The following LRRFIP2 variants were observed in gnomAD, a reference collection of about 807,000 sequenced individuals.
The protein encoded by LRRFIP2 is LRR binding FLII interacting protein 2.
A neutral mutation model predicts 125.9 loss-of-function variants in LRRFIP2; 109 were observed. That is an observed-to-expected ratio of 0.87 (90% CI 0.74 to 1.01). LRRFIP2 has a LOEUF of 1.01. Among genes scored for constraint, LRRFIP2 ranks in the 50% least tolerant of loss-of-function variants. The pLI, the probability that LRRFIP2 is intolerant of heterozygous loss-of-function variation, is 0.00. For missense variants in LRRFIP2, 850 were observed against 862.3 expected, an observed-to-expected ratio of 0.99 and a Z score of 0.18; for synonymous variants, 291 against 293.1, an observed-to-expected ratio of 0.99 and a Z score of 0.07.
intron 21 of LRRFIP2, among the ~76,000 whole-genome samples, chr3:37,069,645 C>A (rs2090806114): frequency 6.6e-6 from 1 of 152,100 alleles, no homozygotes; most frequent in South Asian, 2.1e-4. Flanking sequence ...GACAGTAGCA[C>A]AACAACATGA....
chr3:37,055,155 A>T lies in LRRFIP2; in HGVS notation c.1881T>A (p.Asn627Lys). 6.3e-7 allele frequency: 1 copy of T among 1,591,592 alleles called. No individual in the cohort carries two copies. The highest frequency in any genetic ancestry group is 8.5e-7 in the Non-Finnish European group (1 of 1,171,210). Residue 627 changes from asparagine to lysine, a missense_variant, in exon 26 of 28, where the codon AAT (asparagine) becomes AAA (lysine). Coordinates refer to ENST00000336686, the MANE Select transcript of LRRFIP2 (RefSeq NM_006309.4). ...LQFIEMQRDA[N>K]RQISEYKFKL... ...TAAATTTGTATTCGCTAATTTGTCT[A>T]TTGGCATCTCCTAGAACAGAAGAAG...
intron 3 of LRRFIP2, 117 bp downstream of exon 3, chr3:37,128,946 A>G (rs1478133364): frequency 1.1e-6 from 1 of 896,212 alleles, no homozygotes; most frequent in Admixed American, 2.2e-5. Flanking sequence ...AAATACATAC[A>G]TCAGTTTATA....
At chr3:37,139,987 T>C (rs984251178) in intron 2 of LRRFIP2, among the ~76,000 whole-genome samples, 12 of 152,346 alleles carry the variant, frequency 7.9e-5, no homozygotes, top group African/African-American at 2.9e-4. Context: ...CCAAACCCAA[T>C]AGAATTTTTC....
At chr3:37,134,536 G>A (rs2095509534) in intron 2 of LRRFIP2, 1 of 407,266 alleles carries the variant, frequency 2.5e-6, no homozygotes, top group African/African-American at 2.1e-5. Flanking sequence ...CCAAGAGCTT[G>A]TGTCTGGCAG....
At chr3:37,097,278 T>C (rs929110938) in intron 15 of LRRFIP2, among the ~76,000 whole-genome samples, 5 of 151,794 alleles carry the variant, frequency 3.3e-5, no homozygotes, top group African/African-American at 4.8e-5. Context: ...ACCACCAGTC[T>C]CTAATAGCAA....
chr3:37,112,544 T>G (rs1021159505), intron 8 of LRRFIP2, among the ~76,000 whole-genome samples: 3 of 152,120 alleles, frequency 2.0e-5, no homozygotes, highest in African/African-American at 4.8e-5. Context: ...ACACAAACTT[T>G]TAGAATGAAA....
At chr3:37,056,452 G>A (rs2086880350) in intron 25 of LRRFIP2, among the ~76,000 whole-genome samples, 1 of 140,138 alleles carries the variant, frequency 7.1e-6, no homozygotes, top group Non-Finnish European at 1.6e-5. Flanking sequence ...AATGTGAGAG[G>A]TTTTTCTTTT....
chr3:37,121,919 CTTTT>C (rs201185006), intron 4 of LRRFIP2, among the ~76,000 whole-genome samples: 1 of 136,274 alleles, frequency 7.3e-6, no homozygotes, highest in Non-Finnish European at 1.6e-5. Flanking sequence ...AGTTTTCTTT[CTTTT>C]TTTTTTTAAT....
At chr3:37,162,114 C>T (rs1278881255) in intron 1 of LRRFIP2, among the ~76,000 whole-genome samples, 1 of 126,238 alleles carries the variant, frequency 7.9e-6, no homozygotes, top group Non-Finnish European at 1.6e-5. Context: ...CATGTTGATG[C>T]TACTGTACTC....
intron 2 of LRRFIP2, among the ~76,000 whole-genome samples, chr3:37,138,028 T>C (rs949599614): frequency 1.3e-5 from 2 of 152,234 alleles, no homozygotes; most frequent in Non-Finnish European, 2.9e-5. Context: ...TCAAGTTTTC[T>C]AATCCTAACT....
chr3:37,133,070 A>T (rs2095470769), intron 2 of LRRFIP2, among the ~76,000 whole-genome samples: 1 of 152,088 alleles, frequency 6.6e-6, no homozygotes, highest in African/African-American at 2.4e-5. Flanking sequence ...CTAAAAATGG[A>T]AAAAATTAGC....
At chr3:37,099,388 T>C (rs2093901202) in intron 15 of LRRFIP2, among the ~76,000 whole-genome samples, 1 of 152,202 alleles carries the variant, frequency 6.6e-6, no homozygotes, top group African/African-American at 2.4e-5. Context: ...AAAAAGCTTT[T>C]TAAACAGAAT....
At chr3:37,085,146 C>T (rs917765346) in intron 18 of LRRFIP2, among the ~76,000 whole-genome samples, 6 of 152,170 alleles carry the variant, frequency 3.9e-5, no homozygotes, top group African/African-American at 1.2e-4. Flanking sequence ...AACAATAAAA[C>T]GCTTCAAAGA....
intron 2 of LRRFIP2, among the ~76,000 whole-genome samples, chr3:37,130,392 T>C (rs1043397173): frequency 1.1e-4 from 16 of 152,132 alleles, no homozygotes; most frequent in Admixed American, 5.2e-4. Flanking sequence ...ACCAACTCCT[T>C]ATTACTTATG....
chr3:37,118,662 A>G (rs1219471413), intron 6 of LRRFIP2, among the ~76,000 whole-genome samples: 3 of 152,196 alleles, frequency 2.0e-5, no homozygotes, highest in Non-Finnish European at 4.4e-5. Context: ...GCCACCTTTC[A>G]AAAAGATAGT....
At chr3:37,088,356 T>A (rs570073761) in intron 18 of LRRFIP2, among the ~76,000 whole-genome samples, 1 of 152,206 alleles carries the variant, frequency 6.6e-6, no homozygotes, top group Non-Finnish European at 1.5e-5. Flanking sequence ...ACTGTCCTTC[T>A]AAGAATTAAA....
At chr3:37,153,184 C>T (rs989926778) in intron 1 of LRRFIP2, among the ~76,000 whole-genome samples, 5 of 152,006 alleles carry the variant, frequency 3.3e-5, no homozygotes, top group Admixed American at 6.6e-5. Flanking sequence ...ACTGCTTGAG[C>T]ATAGGAGTTT....
At chr3:37,115,655 G>A (rs888317240) in intron 6 of LRRFIP2, among the ~76,000 whole-genome samples, 6 of 152,202 alleles carry the variant, frequency 3.9e-5, no homozygotes, top group African/African-American at 1.2e-4. Flanking sequence ...AGAAAATGCC[G>A]ATTTCTCATT....
chr3:37,139,932 T>C (rs2095650554), intron 2 of LRRFIP2, among the ~76,000 whole-genome samples: 1 of 152,208 alleles, frequency 6.6e-6, no homozygotes, highest in South Asian at 2.1e-4. Context: ...TCATATCACC[T>C]TATTGAAATT....
Sources: gnomAD v4.1 joint callset for allele counts (sites outside exome capture counted in the v4.1 genomes callset) on GRCh38, gnomAD v4.1.1 for gene constraint, MANE v1.5 for transcripts, NCBI Gene and HGNC (gene_info 2026-07-23, HGNC 2026-07-21) for gene names.